PLCE1: variants seen among roughly 807,000 people sequenced by gnomAD.
PLCE1 encodes 1-phosphatidylinositol 4,5-bisphosphate phosphodiesterase epsilon-1.
PLCE1 carries 119 observed loss-of-function variants against 242.8 expected under a neutral mutation model. The observed-to-expected ratio is 0.49, with a 90% CI of 0.42 to 0.57. The LOEUF (loss-of-function observed/expected upper bound fraction) is 0.57, where lower values mean the gene tolerates loss of function less well. Among genes scored for constraint, PLCE1 ranks in the 20% least tolerant of loss-of-function variants. PLCE1 has a pLI of 0.00. For synonymous variants in PLCE1, 945 were observed against 1,017.4 expected, an observed-to-expected ratio of 0.93 and a Z score of 1.35; for missense variants, 2,441 against 2,788.8, an observed-to-expected ratio of 0.88 and a Z score of 2.81.
At chr10:94,303,884 C>T (rs2053119317) in intron 24 of PLCE1, among the ~76,000 whole-genome samples, 1 of 151,976 alleles carries the variant, frequency 6.6e-6, no homozygotes, top group African/African-American at 2.4e-5. Context: ...CTAAACAATA[C>T]AGTATGGCAA....
chr10:94,200,082 T>C (rs375373621), intron 4 of PLCE1, among the ~76,000 whole-genome samples: 2 of 152,348 alleles, frequency 1.3e-5, no homozygotes, highest in East Asian at 3.9e-4. Flanking sequence ...CAAAGATGGT[T>C]ACATATAGAA....
chr10:94,165,305 T>G (rs1337992659), intron 3 of PLCE1, among the ~76,000 whole-genome samples: 1 of 152,210 alleles, frequency 6.6e-6, no homozygotes, highest in South Asian at 2.1e-4. Flanking sequence ...GCTGCTTTGT[T>G]TACCTACTCA....
chr10:94,003,245 G>A (rs1439771072), intron 1 of PLCE1, among the ~76,000 whole-genome samples: 1 of 152,158 alleles, frequency 6.6e-6, no homozygotes, highest in Admixed American at 6.5e-5. Context: ...ATACTTTCTA[G>A]AAGGCATAAT....
At chr10:94,175,572 A>G (rs1197365027) in intron 4 of PLCE1, among the ~76,000 whole-genome samples, 1 of 152,110 alleles carries the variant, frequency 6.6e-6, no homozygotes, top group Admixed American at 6.5e-5. Context: ...AAAACAATCC[A>G]ATTACACTCC....
At chr10:94,269,068 C>T (rs1273150887) in intron 17 of PLCE1, 32 bp downstream of exon 17, 3 of 825,504 alleles carry the variant, frequency 3.6e-6, no homozygotes, top group Non-Finnish European at 6.2e-6. Context: ...TAAATCAAAT[C>T]ACAAAGAGAC....
chr10:94,032,364 A>G (rs777105824), intron 2 of PLCE1, 112 bp downstream of exon 2: 30 of 986,952 alleles, frequency 3.0e-5, no homozygotes, highest in Non-Finnish European at 4.3e-5. Flanking sequence ...CTGTCAAATT[A>G]TGATTCTTAG....
At chr10:94,153,267 A>C (rs1024684565) in intron 3 of PLCE1, among the ~76,000 whole-genome samples, 3 of 152,222 alleles carry the variant, frequency 2.0e-5, no homozygotes, top group Admixed American at 2.0e-4. Context: ...AGAGTTAAAC[A>C]TGAAAATCAA....
chr10:94,189,090 T>C (rs917531730), intron 4 of PLCE1, among the ~76,000 whole-genome samples: 4 of 150,950 alleles, frequency 2.6e-5, no homozygotes, highest in Non-Finnish European at 5.9e-5. Flanking sequence ...ATAGTCGCCA[T>C]GCATGTTAGT....
chr10:94,078,128 G>C (rs1245181733), intron 2 of PLCE1, among the ~76,000 whole-genome samples: 1 of 152,166 alleles, frequency 6.6e-6, no homozygotes, highest in African/African-American at 2.4e-5. Flanking sequence ...TGATGATGTA[G>C]TTACATAATA....
chr10:94,161,160 A>G (rs1373375974), intron 3 of PLCE1, among the ~76,000 whole-genome samples: 2 of 152,294 alleles, frequency 1.3e-5, no homozygotes, highest in South Asian at 2.1e-4. Context: ...TTGGTTCCAT[A>G]TGAACTTAAA....
At chr10:94,022,969 T>G (rs2134392727) in intron 1 of PLCE1, among the ~76,000 whole-genome samples, 1 of 152,278 alleles carries the variant, frequency 6.6e-6, no homozygotes. Context: ...ATAAAACCCT[T>G]TCAGTTTAAA....
At chr10:94,115,733 A>C (rs961513428) in intron 2 of PLCE1, among the ~76,000 whole-genome samples, 1 of 152,102 alleles carries the variant, frequency 6.6e-6, no homozygotes, top group Non-Finnish European at 1.5e-5. Flanking sequence ...CTCTGATGGT[A>C]GTTTCTTTTG....
rs147314087 is a variant in PLCE1, at chr10:94,313,938, C to T, written c.6132+556C>T. 2.6e-5 allele frequency among the ~76,000 whole-genome samples: 4 copies of T among 152,292 alleles called. No individual in the cohort carries two copies. In the East Asian group the frequency reaches 7.7e-4, roughly 29 times the overall value. On this transcript the variant is annotated intron_variant, in intron 28 of 32. Coordinates refer to ENST00000371380, the MANE Select transcript of PLCE1 (RefSeq NM_016341.4). ...CTTGCTCCCCTCCCCTGGCACCTGA[C>T]CTTGGCATTTGAGGTCCTCTCCTTT...
intron 2 of PLCE1, among the ~76,000 whole-genome samples, chr10:94,051,989 C>T (rs2043778462): frequency 6.6e-6 from 1 of 152,214 alleles, no homozygotes. Context: ...TCACACTTTC[C>T]TGTGAATTCT....
At chr10:94,318,766 G>A (rs1205523116) in intron 29 of PLCE1, among the ~76,000 whole-genome samples, 2 of 152,162 alleles carry the variant, frequency 1.3e-5, no homozygotes. Flanking sequence ...CAATTTAAAT[G>A]TATACCACAA....
intron 4 of PLCE1, among the ~76,000 whole-genome samples, chr10:94,190,318 A>C (rs1590213489): frequency 6.6e-6 from 1 of 152,082 alleles, no homozygotes; most frequent in East Asian, 1.9e-4. Context: ...TAAAAAGATA[A>C]TGAATCCTGG....
At chr10:94,089,733 G>C (rs940591083) in intron 2 of PLCE1, among the ~76,000 whole-genome samples, 1 of 152,150 alleles carries the variant, frequency 6.6e-6, no homozygotes. Context: ...CATTTAATGT[G>C]ATGAAAACGT....
At chr10:94,201,571 G>T (rs948378662) in intron 4 of PLCE1, among the ~76,000 whole-genome samples, 1 of 152,186 alleles carries the variant, frequency 6.6e-6, no homozygotes. Context: ...CGCCTCCTGG[G>T]TTCACGCCAT....
chr10:94,090,854 T>G (rs1390784998), intron 2 of PLCE1, among the ~76,000 whole-genome samples: 2 of 152,180 alleles, frequency 1.3e-5, no homozygotes, highest in African/African-American at 4.8e-5. Context: ...GTGGGATGGC[T>G]AATAGTAAGG....
Sources: gnomAD v4.1 joint callset for allele counts (sites outside exome capture counted in the v4.1 genomes callset) on GRCh38, gnomAD v4.1.1 for gene constraint, MANE v1.5 for transcripts, NCBI Gene and HGNC (gene_info 2026-07-23, HGNC 2026-07-21) for gene names.